RALGAPA1: variants seen among roughly 807,000 people sequenced by gnomAD.
RALGAPA1 encodes Ral GTPase activating protein catalytic subunit alpha 1, also known as ral GTPase-activating protein subunit alpha-1.
RALGAPA1 carries 52 observed loss-of-function variants against 269.6 expected under a neutral mutation model. That is an observed-to-expected ratio of 0.19 (90% CI 0.15 to 0.24). The LOEUF is 0.24. RALGAPA1 is among the 10% of genes least tolerant of loss of function. RALGAPA1 has a pLI of 1.00. For missense variants in RALGAPA1, 1,917 were observed against 3,013.9 expected (o/e 0.64, Z 8.52); for synonymous variants, 817 against 1,008.3 (o/e 0.81, Z 3.60).
intron 6 of RALGAPA1, among the ~76,000 whole-genome samples, chr14:35,757,794 G>A (rs975887492): frequency 1.3e-5 from 2 of 152,142 alleles, no homozygotes; most frequent in African/African-American, 4.8e-5. Flanking sequence ...GTAAACATAT[G>A]TAGGTCCCTA....
intron 41 of RALGAPA1, among the ~76,000 whole-genome samples, chr14:35,543,235 G>A (rs4981296): frequency 0.15 from 22,773 of 151,988 alleles, 2,923 homozygotes; most frequent in East Asian, 0.35. Context: ...GTCATCCCAG[G>A]GATTAAGATT....
At chr14:35,795,814 C>CAAAAAAAAAAAA (rs35882089) in intron 1 of RALGAPA1, among the ~76,000 whole-genome samples, 1 of 122,288 alleles carries the variant, frequency 8.2e-6, no homozygotes. Flanking sequence ...ATTTCTCTAC[C>CAAAAAAAAAAAA]AAAAAAAAAA....
At chr14:35,597,346 G>A (rs1012353456) in intron 36 of RALGAPA1, among the ~76,000 whole-genome samples, 3 of 152,080 alleles carry the variant, frequency 2.0e-5, no homozygotes, top group Non-Finnish European at 4.4e-5. Context: ...TCTGATAGGT[G>A]ACAAATGGTA....
chr14:35,679,047 T>C (rs1013251843), intron 21 of RALGAPA1, among the ~76,000 whole-genome samples: 8 of 152,230 alleles, frequency 5.3e-5, no homozygotes, highest in Non-Finnish European at 1.0e-4. Flanking sequence ...AATTCTGTTA[T>C]ATACTGTAGT....
rs532489180 is a variant in RALGAPA1 at position 35,575,768 on chromosome 14, A to AT, written c.7210-3051dup. ...CACCCCCACGCCCAGCTAATTTTTTATTTTTAGTAGAGATGGGGTTTCACC... is the reference window on the plus strand; with the variant it reads ...CACCCCCACGCCCAGCTAATTTTTTATTTTTTAGTAGAGATGGGGTTTCACC... On this transcript the variant is annotated intron_variant, in intron 37 of 41. Transcript: ENST00000680220. Among the ~76,000 whole-genome samples the AT allele has an allele frequency of 2.5e-3, 375 of 151,924 alleles. 2 individuals carry two copies. The highest frequency in any genetic ancestry group is 8.6e-3 in the African/African-American group (358 of 41,400).
chr14:35,697,463 A>G (rs1036512250), intron 17 of RALGAPA1, among the ~76,000 whole-genome samples: 9 of 151,828 alleles, frequency 5.9e-5, no homozygotes, highest in Admixed American at 5.3e-4. Flanking sequence ...CTCCTGCCTC[A>G]GCCTACTGAG....
intron 18 of RALGAPA1, among the ~76,000 whole-genome samples, chr14:35,687,471 C>G (rs185075835): frequency 6.6e-6 from 1 of 152,262 alleles, no homozygotes; most frequent in East Asian, 1.9e-4. Context: ...ATACCATTAT[C>G]TTTATATTAC....
intron 20 of RALGAPA1, 95 bp from the exon 21 acceptor site, chr14:35,684,080 C>A: frequency 5.8e-6 from 5 of 864,494 alleles, no homozygotes; most frequent in South Asian, 1.8e-5. Flanking sequence ...CATAAACATT[C>A]CCCGTACATC....
At chr14:35,682,882 T>C (rs1380925945) in intron 21 of RALGAPA1, among the ~76,000 whole-genome samples, 1 of 152,100 alleles carries the variant, frequency 6.6e-6, no homozygotes, top group East Asian at 1.9e-4. Flanking sequence ...GTTCTTGCCA[T>C]CTGGGAAAAA....
intron 39 of RALGAPA1, among the ~76,000 whole-genome samples, chr14:35,567,527 A>C (rs892634630): frequency 6.6e-5 from 10 of 152,214 alleles, no homozygotes; most frequent in Middle Eastern, 3.4e-3. Flanking sequence ...AGATTCTGTG[A>C]CTTGGCCAAG....
rs1243340297 is a variant in RALGAPA1 at position 35,808,961 on chromosome 14, G to C, written c.-126C>G. 2.1e-6 allele frequency: 3 copies of C among 1,457,054 alleles called. No homozygotes were observed. The highest frequency in any genetic ancestry group is 2.8e-5 in the South Asian group (2 of 71,884). 90.3% of individuals were successfully genotyped at this position (1,457,054 alleles called of 1,614,324 possible). Reference sequence around the variant, plus strand: ...AGGCTCATTAGCTCCCCAGCCTTGCGGGCCAGGGCAGAGCCGACTCCTTCC... The same window carrying C: ...AGGCTCATTAGCTCCCCAGCCTTGCCGGCCAGGGCAGAGCCGACTCCTTCC... On this transcript the variant is annotated 5_prime_UTR_variant, in exon 1 of 42. Coordinates refer to ENST00000680220, the MANE Select transcript of RALGAPA1 (RefSeq NM_001346249.2).
In RALGAPA1 at chr14:35,809,182, C is replaced by A; in HGVS notation, c.-347G>T. 1 of 262,096 alleles carries A rather than the reference C, an allele frequency of 3.8e-6. No individual in the cohort carries two copies. The highest frequency in any genetic ancestry group is 7.2e-6 in the Non-Finnish European group (1 of 139,756). 16.2% of individuals were successfully genotyped at this position (262,096 alleles called of 1,614,324 possible). A position where few individuals can be genotyped will look rare whatever the true frequency, so the allele number is the denominator to read the frequency against. On this transcript the variant is annotated 5_prime_UTR_variant, in exon 1 of 42. Transcript: ENST00000680220. The stretch of plus-strand genomic sequence containing the variant: ...ACAGGCCGGGGCCCCGGACCCAGAG[C>A]CACGAAGGTGGAGCTCTCGGCGGCA...
chr14:35,727,290 A>G (rs1305794055), intron 13 of RALGAPA1, among the ~76,000 whole-genome samples: 1 of 137,694 alleles, frequency 7.3e-6, no homozygotes, highest in African/African-American at 2.7e-5. Flanking sequence ...TCAGTACAGG[A>G]CTGGTTAAGA....
intron 1 of RALGAPA1, among the ~76,000 whole-genome samples, chr14:35,782,050 A>T (rs2075469977): frequency 6.6e-6 from 1 of 152,176 alleles, no homozygotes; most frequent in African/African-American, 2.4e-5. Flanking sequence ...TCTACTCATA[A>T]ATGACATGAT....
In RALGAPA1 at chr14:35,770,984, G is replaced by T; in HGVS notation, c.283C>A (p.Leu95Ile). ...LFIFEKILQL[L>I]PERIHQRWQF... ...CATCGCTGATGAATTCTTTCTGGAA[G>T]AAGTTGTAAAATTTTCTAAAAATCA... Residue 95 changes from leucine to isoleucine, a missense_variant, in exon 4 of 42, where the codon CTT (leucine) becomes ATT (isoleucine). By Grantham distance (5) the Leu-to-Ile change is conservative. This residue lies in a region of RALGAPA1 where 462 missense variants were observed against 725.6 expected (regional missense o/e 0.64). Transcript: ENST00000680220. The T allele has an allele frequency of 7.2e-7, 1 of 1,391,806 alleles. No homozygotes were observed. Among genetic ancestry groups the T allele is most frequent in the Non-Finnish European group, 9.9e-7 (1 of 1,008,090 alleles). 86.2% of individuals were successfully genotyped at this position (1,391,806 alleles called of 1,614,324 possible). A position where few individuals can be genotyped will look rare whatever the true frequency, so the allele number is the denominator to read the frequency against.
intron 35 of RALGAPA1, among the ~76,000 whole-genome samples, chr14:35,620,112 T>A (rs1198640205): frequency 2.6e-5 from 4 of 152,126 alleles, no homozygotes; most frequent in African/African-American, 9.7e-5. Context: ...AAATCCTCAA[T>A]GAAATACTGG....
chr14:35,607,636 G>A (rs774157076), intron 35 of RALGAPA1, among the ~76,000 whole-genome samples: 1 of 152,200 alleles, frequency 6.6e-6, no homozygotes, highest in Non-Finnish European at 1.5e-5. Context: ...AAGCTGGTCC[G>A]TGACCCCAGG....
At chr14:35,592,374 C>T (rs1019610392) in intron 37 of RALGAPA1, among the ~76,000 whole-genome samples, 3 of 152,158 alleles carry the variant, frequency 2.0e-5, no homozygotes, top group South Asian at 4.1e-4. Context: ...TAATTAGAAA[C>T]CTTTAACAAA....
intron 4 of RALGAPA1, among the ~76,000 whole-genome samples, chr14:35,770,166 G>A (rs1470765784): frequency 6.6e-6 from 1 of 152,118 alleles, no homozygotes; most frequent in African/African-American, 2.4e-5. Context: ...AAGCACCAAT[G>A]ACACTGATAA....
Sources: gnomAD v4.1 joint callset for allele counts (sites outside exome capture counted in the v4.1 genomes callset) on GRCh38, gnomAD v4.1.1 for gene constraint, gnomAD v4.1.1 regional missense constraint, MANE v1.5 for transcripts, NCBI Gene and HGNC (gene_info 2026-07-23, HGNC 2026-07-21) for gene names.